The following RRP1 variants were observed in gnomAD, a reference collection of about 807,000 sequenced individuals.
The protein encoded by RRP1 is ribosomal RNA processing 1, also known as ribosomal RNA processing protein 1 homolog A.
A neutral mutation model predicts 54.6 loss-of-function variants in RRP1; 37 were observed. The ratio of observed to expected loss-of-function variants is 0.68; its 90% CI spans 0.52 to 0.89. The LOEUF is 0.89. Among genes scored for constraint, RRP1 ranks in the 40% least tolerant of loss-of-function variants. The pLI, the probability that RRP1 is intolerant of heterozygous loss-of-function variation, is 0.00. For missense variants in RRP1, 639 were observed against 612.5 expected (o/e 1.04, Z -0.46); for synonymous variants, 262 against 244.3 (o/e 1.07, Z -0.67).
At chr21:43,793,457 C>T (rs1361304156) in intron 4 of RRP1, 53 bp downstream of exon 4, 6 of 1,508,674 alleles carry the variant, frequency 4.0e-6, no homozygotes, top group South Asian at 1.1e-5. Context: ...GTCTCAGTGC[C>T]TGGCCAAGCG....
chr21:43,791,847 G>A lies in RRP1; in HGVS notation c.216+415G>A, dbSNP rs190526659. On this transcript the variant is annotated intron_variant, in intron 2 of 12. Transcript: ENST00000497547. ...TATGGCCAGAGACCGTGGGGAGGTC[G>A]TATAGCCTTGACGCTTGGTTCGGCA... is the stretch of plus-strand genomic sequence containing the variant. Among the ~76,000 whole-genome samples, 10 of 152,298 alleles carry A rather than the reference G, an allele frequency of 6.6e-5. No individual in the cohort carries two copies. In the South Asian group the frequency reaches 1.7e-3, roughly 25 times the overall value.
intron 8 of RRP1, among the ~76,000 whole-genome samples, chr21:43,798,404 T>TC (rs1183378164): frequency 6.6e-6 from 1 of 152,052 alleles, no homozygotes; most frequent in East Asian, 1.9e-4. Context: ...GCCGAGTCTC[T>TC]CCGTCCCTCC....
At chr21:43,801,517 C>T (rs1284272541) in intron 11 of RRP1, among the ~76,000 whole-genome samples, 2 of 152,146 alleles carry the variant, frequency 1.3e-5, no homozygotes, top group East Asian at 1.9e-4. Context: ...CTCTGTTGCC[C>T]AGGATGGCGT....
chr21:43,791,262 C>T, intron 1 of RRP1, 88 bp from the exon 2 acceptor site: 2 of 1,380,750 alleles, frequency 1.4e-6, no homozygotes, highest in Non-Finnish European at 2.1e-6. Flanking sequence ...ACTTTGGTCT[C>T]ATTCAGGCAG....
chr21:43,803,040 T>A (rs2085109670), intron 12 of RRP1, among the ~76,000 whole-genome samples: 1 of 152,224 alleles, frequency 6.6e-6, no homozygotes, highest in South Asian at 2.1e-4. Context: ...ACTCTCTCCA[T>A]GCTAAACTGG....
chr21:43,793,763 C>A (rs1393525464), intron 4 of RRP1, among the ~76,000 whole-genome samples: 2 of 152,196 alleles, frequency 1.3e-5, no homozygotes, highest in African/African-American at 4.8e-5. Flanking sequence ...GCGGTCACGC[C>A]CTAGCATGAG....
chr21:43,798,220 A>C (rs371441507), intron 8 of RRP1, 120 bp downstream of exon 8: 1 of 807,108 alleles, frequency 1.2e-6, no homozygotes. Flanking sequence ...GCCCCTCTCC[A>C]CAGTCCATCC....
In RRP1 at chr21:43,798,044, AG is replaced by A; in HGVS notation, c.758del (p.Gly253ValfsTer75). ...EVASDSDESS[E>X]GGERGDALSQ... ...GCGTCGGACAGTGATGAGTCCTCTG[AG>A]GGTGGTGAGCGTGGAGACGCGCTGT... is the stretch of plus-strand genomic sequence containing the variant. On this transcript the variant is annotated frameshift_variant, in exon 8 of 13. Coordinates refer to ENST00000497547, the MANE Select transcript of RRP1 (RefSeq NM_003683.6). LOFTEE classifies it high-confidence loss of function. 6.2e-7 allele frequency: 1 copy of A among 1,614,088 alleles called. No homozygotes were observed. Among genetic ancestry groups the A allele is most frequent in the Non-Finnish European group, 8.5e-7 (1 of 1,179,994 alleles).
Position 43,803,870 on chromosome 21 carries a change from G to A in RRP1, c.*96G>A, listed in dbSNP as rs2085118758. On this transcript the variant is annotated 3_prime_UTR_variant, in exon 13 of 13. Coordinates refer to ENST00000497547, the MANE Select transcript of RRP1 (RefSeq NM_003683.6). ...GCTGTTCTGTAGACTCAGGACCGTG[G>A]CTCCAGAACTCCTGTGCCAGGCGGG... The A allele has an allele frequency of 7.2e-7, 1 of 1,394,854 alleles. No individual in the cohort carries two copies. The highest frequency in any genetic ancestry group is 2.6e-4 in the Middle Eastern group (1 of 3,804). The allele number at this position is 1,394,854 out of a possible 1,614,324, so 86.4% of individuals were successfully genotyped here. A position where few individuals can be genotyped will look rare whatever the true frequency, so the allele number is the denominator to read the frequency against.
chr21:43,795,357 G>C, intron 5 of RRP1, 107 bp downstream of exon 5: 4 of 1,030,922 alleles, frequency 3.9e-6, no homozygotes, highest in Non-Finnish European at 3.0e-6. Flanking sequence ...TTATATTAAC[G>C]CATGCCCCCA....
At position 43,797,499 on chromosome 21, in the gene RRP1, G is replaced by A. The variant is rs1439091704; in HGVS notation, c.500G>A (p.Ser167Asn). The stretch of plus-strand genomic sequence containing the variant: ...AGCCAGGCCCCCAACGGTGTGAAGA[G>A]CCACTTCATCGAGATCTTCCTGGAG... ...PSSQAPNGVK[S>N]HFIEIFLEEL... is the part of the protein sequence containing the mutation. The change falls in exon 6 of 13, where the codon AGC (serine) becomes AAC (asparagine). Residue 167 changes from serine (S) to asparagine (N), a missense_variant. Coordinates refer to ENST00000497547, the MANE Select transcript of RRP1 (RefSeq NM_003683.6). The A allele has an allele frequency of 6.2e-7, 1 of 1,614,012 alleles. No individual in the cohort carries two copies. The highest frequency in any genetic ancestry group is 1.1e-5 in the South Asian group (1 of 91,084).
intron 5 of RRP1, among the ~76,000 whole-genome samples, chr21:43,796,995 T>C (rs1402700590): frequency 6.6e-6 from 1 of 152,124 alleles, no homozygotes; most frequent in Admixed American, 6.5e-5. Flanking sequence ...CACCTTCCTT[T>C]CTCTGCCTGT....
Position 43,798,052 on chromosome 21 carries a change from G to A in RRP1, c.763G>A (p.Glu255Lys), listed in dbSNP as rs1222870470. ...CAGTGATGAGTCCTCTGAGGGTGGT[G>A]AGCGTGGAGACGCGCTGTCCCAGAA... ...SDSDESSEGG[E>K]RGDALSQKRS... Residue 255 changes from glutamate to lysine, a missense_variant, in exon 8 of 13, where the codon GAG (glutamate) becomes AAG (lysine). Transcript: ENST00000497547. The A allele has an allele frequency of 2.2e-5, 36 of 1,613,982 alleles. No homozygotes were observed. Among genetic ancestry groups the A allele is most frequent in the Non-Finnish European group, 2.8e-5 (33 of 1,179,998 alleles).
rs775774178 is a variant in RRP1 at position 43,800,623 on chromosome 21, G to T, written c.989+9G>T. 6.2e-7 allele frequency: 1 copy of T among 1,613,268 alleles called. No homozygotes were observed. Among genetic ancestry groups the T allele is most frequent in the Admixed American group, 1.7e-5 (1 of 60,026 alleles). On this transcript the variant is annotated intron_variant, in intron 10 of 12. Transcript: ENST00000497547. Reference sequence around the variant, plus strand: ...TACAAAGTGATCCGGAAGTGAGTGTGTGAGGGCGCTGCGTCCTCCCTGCTC... The same window carrying T: ...TACAAAGTGATCCGGAAGTGAGTGTTTGAGGGCGCTGCGTCCTCCCTGCTC...
chr21:43,796,407 T>C (rs1305730804), intron 5 of RRP1, among the ~76,000 whole-genome samples: 1 of 152,232 alleles, frequency 6.6e-6, no homozygotes, highest in Non-Finnish European at 1.5e-5. Flanking sequence ...TGGCATATTA[T>C]TACAAGAGTA....
At chr21:43,800,425 C>T in intron 9 of RRP1, 92 bp from the exon 10 acceptor site, 1 of 1,196,838 alleles carries the variant, frequency 8.4e-7, no homozygotes, top group Non-Finnish European at 1.2e-6. Flanking sequence ...GCAAGTGGGA[C>T]CAAGTGCTAT....
chr21:43,792,085 A>G (rs2084965893), intron 2 of RRP1, among the ~76,000 whole-genome samples: 1 of 152,182 alleles, frequency 6.6e-6, no homozygotes, highest in South Asian at 2.1e-4. Flanking sequence ...CCTTTTCCAA[A>G]CATTGTTTCT....
intron 4 of RRP1, among the ~76,000 whole-genome samples, chr21:43,794,693 G>T (rs1022643765): frequency 2.6e-5 from 4 of 152,208 alleles, no homozygotes; most frequent in African/African-American, 9.7e-5. Context: ...CACGGGTGAG[G>T]CTTGGCGGGA....
Position 43,800,513 on chromosome 21 carries a change from A to G in RRP1, c.892-4A>G, listed in dbSNP as rs774481564. ...GCCTCTGTGACGTCTCTCTTTTGAA[A>G]CAGTTTGACTACGAGGCAGTTGCTA... On this transcript the variant is annotated splice_polypyrimidine_tract_variant and splice_region_variant and intron_variant, in intron 9 of 12. Transcript: ENST00000497547. 1.2e-6 allele frequency: 2 copies of G among 1,614,086 alleles called. No individual in the cohort carries two copies. The highest frequency in any genetic ancestry group is 1.7e-6 in the Non-Finnish European group (2 of 1,179,950).
Sources: allele counts gnomAD v4.1 joint callset (sites outside exome capture counted in the v4.1 genomes callset), GRCh38; gene constraint gnomAD v4.1.1; transcripts MANE v1.5; gene names NCBI Gene and HGNC (gene_info 2026-07-23, HGNC 2026-07-21).